Variants in NCOA2 observed in about 807,000 individuals in gnomAD.
The protein encoded by NCOA2 is class E basic helix-loop-helix protein 75.
NCOA2 carries 21 observed loss-of-function variants against 145.1 expected under a neutral mutation model. The ratio of observed to expected loss-of-function variants is 0.14; its 90% CI spans 0.10 to 0.21. The LOEUF is 0.21. Among genes scored for constraint, NCOA2 ranks in the 10% least tolerant of loss-of-function variants. The pLI is 1.00. For synonymous variants in NCOA2, 619 were observed against 637.5 expected (o/e 0.97, Z 0.44); for missense variants, 1,472 against 1,837.6 (o/e 0.80, Z 3.64).
At chr8:70,135,589 A>G (rs141074456) in intron 15 of NCOA2, among the ~76,000 whole-genome samples, 16 of 152,332 alleles carry the variant, frequency 1.1e-4, no homozygotes, top group African/African-American at 3.6e-4. Context: ...GCTTGCTTAC[A>G]GAAAAAACAC....
At chr8:70,271,305 C>T (rs1424981284) in intron 2 of NCOA2, among the ~76,000 whole-genome samples, 1 of 152,134 alleles carries the variant, frequency 6.6e-6, no homozygotes, top group Non-Finnish European at 1.5e-5. Flanking sequence ...GTGGAACACA[C>T]TGAGATTATT....
intron 1 of NCOA2, among the ~76,000 whole-genome samples, chr8:70,380,254 C>T (rs554466783): frequency 6.6e-6 from 1 of 152,262 alleles, no homozygotes; most frequent in African/African-American, 2.4e-5. Flanking sequence ...AATTACTTTC[C>T]ATTTACCTAT....
Position 70,217,532 on chromosome 8 carries a change from T to C in NCOA2, c.-19-768A>G, listed in dbSNP as rs138194372. Among the ~76,000 whole-genome samples the C allele has an allele frequency of 1.3e-4, 20 of 152,182 alleles. No individual in the cohort carries two copies. The East Asian group carries it at 3.3e-3, about 25-fold the overall frequency. On this transcript the variant is annotated intron_variant, in intron 2 of 22. Coordinates refer to ENST00000452400, the MANE Select transcript of NCOA2 (RefSeq NM_006540.4). Reference sequence around the variant, plus strand: ...GCTGCTAACGCCAAAGGTCTTAAGATATGCCCCAGAAGTCAGGGGAACTTT... The same window carrying C: ...GCTGCTAACGCCAAAGGTCTTAAGACATGCCCCAGAAGTCAGGGGAACTTT...
At chr8:70,311,118 T>C (rs1735039711) in intron 1 of NCOA2, among the ~76,000 whole-genome samples, 1 of 152,142 alleles carries the variant, frequency 6.6e-6, no homozygotes, top group South Asian at 2.1e-4. Context: ...ATTTATTTCC[T>C]AGTTTTTTTT....
At chr8:70,379,699 G>A (rs748865079) in intron 1 of NCOA2, among the ~76,000 whole-genome samples, 5 of 152,014 alleles carry the variant, frequency 3.3e-5, no homozygotes, top group Non-Finnish European at 5.9e-5. Flanking sequence ...TACATATTAA[G>A]ATAAGTAGCT....
At chr8:70,299,311 T>G (rs1044731033) in intron 1 of NCOA2, among the ~76,000 whole-genome samples, 1 of 151,846 alleles carries the variant, frequency 6.6e-6, no homozygotes, top group Non-Finnish European at 1.5e-5. Context: ...GTCCCGAGAG[T>G]TTTCACAAAG....
intron 1 of NCOA2, among the ~76,000 whole-genome samples, chr8:70,318,232 C>T (rs1456044890): frequency 6.6e-6 from 1 of 152,166 alleles, no homozygotes; most frequent in Non-Finnish European, 1.5e-5. Flanking sequence ...AGTGAAGAAA[C>T]AGAAGCTAAA....
Position 70,401,366 on chromosome 8 carries a change from A to C in NCOA2, c.-77+2334T>G, listed in dbSNP as rs562845261. Among the ~76,000 whole-genome samples the C allele has an allele frequency of 2.6e-5, 4 of 152,350 alleles. No homozygotes were observed. The South Asian group carries it at 6.2e-4, about 24-fold the overall frequency. ...TAAGAAAATTAAAATTATTTTTAAG[A>C]ATCTTTTGTGTGGGAGTAATCTGGC... On this transcript the variant is annotated intron_variant, in intron 1 of 22. Coordinates refer to ENST00000452400, the MANE Select transcript of NCOA2 (RefSeq NM_006540.4).
chr8:70,269,076 G>A (rs1052373089), intron 2 of NCOA2, among the ~76,000 whole-genome samples: 1 of 152,080 alleles, frequency 6.6e-6, no homozygotes, highest in Admixed American at 6.5e-5. Flanking sequence ...TATACACTAT[G>A]TGATATATTT....
intron 1 of NCOA2, among the ~76,000 whole-genome samples, chr8:70,377,381 G>A (rs1298994743): frequency 6.6e-6 from 1 of 151,140 alleles, no homozygotes; most frequent in Non-Finnish European, 1.5e-5. Flanking sequence ...AAAAGGAATA[G>A]TACCTTATAA....
chr8:70,415,413 C>G, the NCOA2 span, among the ~76,000 whole-genome samples: 1 of 152,152 alleles, frequency 6.6e-6, no homozygotes, highest in Non-Finnish European at 1.5e-5. Flanking sequence ...GCGGCCCATA[C>G]TAGGCACTCA....
intron 2 of NCOA2, among the ~76,000 whole-genome samples, chr8:70,273,135 C>T (rs1411395492): frequency 6.6e-6 from 1 of 152,114 alleles, no homozygotes; most frequent in Non-Finnish European, 1.5e-5. Context: ...TATTTATATG[C>T]TGCCAAGGCA....
chr8:70,395,917 T>G (rs1476098340), intron 1 of NCOA2, among the ~76,000 whole-genome samples: 1 of 152,234 alleles, frequency 6.6e-6, no homozygotes, highest in Non-Finnish European at 1.5e-5. Flanking sequence ...GTCTTCAGTC[T>G]CAGCAGCTGG....
chr8:70,336,019 C>A (rs1188425249), intron 1 of NCOA2, among the ~76,000 whole-genome samples: 1 of 152,096 alleles, frequency 6.6e-6, no homozygotes, highest in Non-Finnish European at 1.5e-5. Flanking sequence ...TATATACCTG[C>A]ATAGGGCTCT....
intron 2 of NCOA2, among the ~76,000 whole-genome samples, chr8:70,275,570 A>G (rs996468673): frequency 2.6e-5 from 4 of 152,184 alleles, no homozygotes; most frequent in Non-Finnish European, 5.9e-5. Context: ...TTGTCTATGT[A>G]GTATTACTCT....
intron 16 of NCOA2, among the ~76,000 whole-genome samples, chr8:70,129,521 T>G (rs2131533368): frequency 6.6e-6 from 1 of 152,276 alleles, no homozygotes; most frequent in Non-Finnish European, 1.5e-5. Flanking sequence ...GGGGTCCAAT[T>G]CAGTTTGTGA....
chr8:70,407,479 G>A (rs1814801404), upstream of NCOA2, among the ~76,000 whole-genome samples: 1 of 152,064 alleles, frequency 6.6e-6, no homozygotes, highest in Non-Finnish European at 1.5e-5. Flanking sequence ...TTCATCACTT[G>A]TATTTCTACT....
chr8:70,405,263 T>G (rs961996788), upstream of NCOA2, among the ~76,000 whole-genome samples: 1 of 151,888 alleles, frequency 6.6e-6, no homozygotes, highest in Non-Finnish European at 1.5e-5. Flanking sequence ...ATGTGTGGGG[T>G]GTGTGTGTCT....
intron 1 of NCOA2, among the ~76,000 whole-genome samples, chr8:70,354,807 A>G (rs1809539218): frequency 6.6e-6 from 1 of 152,218 alleles, no homozygotes; most frequent in African/African-American, 2.4e-5. Flanking sequence ...AAATGGCAGA[A>G]CTTCACTTAA....
Sources: gnomAD v4.1 joint callset for allele counts (sites outside exome capture counted in the v4.1 genomes callset) on GRCh38, gnomAD v4.1.1 for gene constraint, MANE v1.5 for transcripts, NCBI Gene and HGNC (gene_info 2026-07-23, HGNC 2026-07-21) for gene names.